TMEM248: variants seen among roughly 807,000 people sequenced by gnomAD.
TMEM248 encodes the protein UPF0458 protein C7orf42.
In TMEM248, 9 loss-of-function variants were observed where a neutral mutation model predicts 30.3. The ratio of observed to expected loss-of-function variants is 0.30; its 90% CI spans 0.18 to 0.52. TMEM248 has a LOEUF of 0.52. Among genes scored for constraint, TMEM248 ranks in the 20% least tolerant of loss-of-function variants. The pLI is 0.97. For synonymous variants in TMEM248, 184 were observed against 154.4 expected, an observed-to-expected ratio of 1.19 and a Z score of -1.42; for missense variants, 338 against 403.3, an observed-to-expected ratio of 0.84 and a Z score of 1.39.
At chr7:66,949,965 A>C (rs1319851696) in intron 4 of TMEM248, among the ~76,000 whole-genome samples, 4 of 152,184 alleles carry the variant, frequency 2.6e-5, no homozygotes, top group African/African-American at 9.7e-5. Context: ...TATTTTAGAC[A>C]TTTGGAGGTT....
Position 66,947,381 on chromosome 7 carries a change from A to G in TMEM248, c.446-1163A>G, listed in dbSNP as rs537236154. On this transcript the variant is annotated intron_variant, in intron 3 of 6. Transcript: ENST00000341567. ...AGCAAGTGGACCTGTTGCTTATGGC[A>G]TGGCATAAGGACACCTTCGGGATTT... is the stretch of plus-strand genomic sequence containing the variant. 1.2e-3 allele frequency among the ~76,000 whole-genome samples: 179 copies of G among 152,180 alleles called. 1 individual carries two copies. The highest frequency in any genetic ancestry group is 1.9e-3 in the Non-Finnish European group (129 of 68,012).
intron 1 of TMEM248, among the ~76,000 whole-genome samples, chr7:66,937,037 T>A (rs548221942): frequency 5.6e-4 from 86 of 152,294 alleles, no homozygotes; most frequent in African/African-American, 2.0e-3. Context: ...TCTACTTTTT[T>A]ATGTAGGTGC....
intron 1 of TMEM248, among the ~76,000 whole-genome samples, chr7:66,934,098 A>AT (rs1269009782): frequency 1.2e-4 from 18 of 151,544 alleles, no homozygotes; most frequent in African/African-American, 3.6e-4. Flanking sequence ...TTAATTTCCT[A>AT]TTTGAAAACG....
At chr7:66,955,435 T>C (rs1792376238) in intron 6 of TMEM248, 67 bp from the exon 7 acceptor site, 1 of 1,595,896 alleles carries the variant, frequency 6.3e-7, no homozygotes, top group Admixed American at 1.7e-5. Context: ...ATCCTGGTCT[T>C]TGGGTAGGGG....
intron 2 of TMEM248, among the ~76,000 whole-genome samples, chr7:66,943,835 AG>A (rs1023258510): frequency 2.0e-5 from 3 of 150,788 alleles, no homozygotes; most frequent in African/African-American, 7.3e-5. Flanking sequence ...TCTGACACCC[AG>A]GCTGAGGCTG....
chr7:66,952,499 C>T (rs1359883695), intron 5 of TMEM248, among the ~76,000 whole-genome samples: 1 of 152,100 alleles, frequency 6.6e-6, no homozygotes, highest in African/African-American at 2.4e-5. Context: ...GTGTTTGGGG[C>T]GTGGGTGTTG....
At chr7:66,934,338 T>C (rs1015021067) in intron 1 of TMEM248, among the ~76,000 whole-genome samples, 2 of 152,136 alleles carry the variant, frequency 1.3e-5, no homozygotes, top group African/African-American at 2.4e-5. Context: ...GTAGCTGGGA[T>C]TACAGGCACA....
At position 66,935,152 on chromosome 7, in the gene TMEM248, TTAACC is replaced by T. The variant is rs1271166479; in HGVS notation, c.-18-6691_-18-6687del. Among the ~76,000 whole-genome samples the T allele has an allele frequency of 1.1e-4, 17 of 152,312 alleles. No individual in the cohort carries two copies. The South Asian group carries it at 1.7e-3, about 15-fold the overall frequency. ...TTTTTATTTATGAATCATATTAATCTTAACCTAACTAGTGTTGTTTCCAGATTATT... is the reference window on the plus strand; with the variant it reads ...TTTTTATTTATGAATCATATTAATCTTAACTAGTGTTGTTTCCAGATTATT... On this transcript the variant is annotated intron_variant, in intron 1 of 6. Transcript: ENST00000341567.
At chr7:66,940,887 G>A (rs920691492) in intron 1 of TMEM248, among the ~76,000 whole-genome samples, 2 of 152,182 alleles carry the variant, frequency 1.3e-5, no homozygotes, top group Non-Finnish European at 2.9e-5. Flanking sequence ...GTGTATTTGT[G>A]TCACATTACT....
intron 6 of TMEM248, among the ~76,000 whole-genome samples, chr7:66,955,113 A>G (rs1283381406): frequency 6.6e-6 from 1 of 152,180 alleles, no homozygotes; most frequent in African/African-American, 2.4e-5. Context: ...CAGTTAAAAA[A>G]TTAGCCAGAT....
At chr7:66,936,151 G>C (rs1407351391) in intron 1 of TMEM248, among the ~76,000 whole-genome samples, 3 of 152,128 alleles carry the variant, frequency 2.0e-5, no homozygotes, top group African/African-American at 7.2e-5. Context: ...TAGAGGAAAT[G>C]CTTTCAGTTT....
chr7:66,954,247 A>G (rs73379768), intron 6 of TMEM248, among the ~76,000 whole-genome samples: 286 of 152,244 alleles, frequency 1.9e-3, no homozygotes, highest in African/African-American at 6.6e-3. Flanking sequence ...CCCAGCTTCT[A>G]GGTTACTTAT....
chr7:66,938,021 C>T (rs964286915), intron 1 of TMEM248, among the ~76,000 whole-genome samples: 18 of 152,194 alleles, frequency 1.2e-4, no homozygotes, highest in African/African-American at 3.4e-4. Flanking sequence ...CCACTGCGCC[C>T]GGTTATTTCT....
intron 4 of TMEM248, among the ~76,000 whole-genome samples, chr7:66,950,069 A>T (rs1792220663): frequency 6.6e-6 from 1 of 152,060 alleles, no homozygotes; most frequent in Non-Finnish European, 1.5e-5. Context: ...TAACTAAGTG[A>T]TATGCTTTGG....
At chr7:66,922,555 A>G (rs911946549) in intron 1 of TMEM248, among the ~76,000 whole-genome samples, 1 of 152,062 alleles carries the variant, frequency 6.6e-6, no homozygotes, top group Non-Finnish European at 1.5e-5. Flanking sequence ...TGTAGTGAAG[A>G]TTCTGGGAGA....
At chr7:66,927,296 T>A (rs1354582461) in intron 1 of TMEM248, among the ~76,000 whole-genome samples, 1 of 152,024 alleles carries the variant, frequency 6.6e-6, no homozygotes, top group Admixed American at 6.6e-5. Flanking sequence ...GAAGTCTGAG[T>A]TTTAGAAGTA....
chr7:66,926,988 G>A (rs1791543298), intron 1 of TMEM248, among the ~76,000 whole-genome samples: 1 of 152,108 alleles, frequency 6.6e-6, no homozygotes, highest in Admixed American at 6.6e-5. Context: ...GTTACAGAAA[G>A]GTTTCATACT....
intron 3 of TMEM248, among the ~76,000 whole-genome samples, chr7:66,946,812 G>GAAGGGCTAGA (rs1340259992): frequency 6.6e-6 from 1 of 152,232 alleles, no homozygotes; most frequent in Non-Finnish European, 1.5e-5. Flanking sequence ...TGTTGCAGGA[G>GAAGGGCTAGA]AAGGGCTAGA....
Position 66,951,109 on chromosome 7 carries a change from C to T in TMEM248, c.754C>T (p.Pro252Ser), listed in dbSNP as rs777113697. Residue 252 changes from proline to serine, a missense_variant, in exon 5 of 7, where the codon CCC becomes TCC. By Grantham distance (74) the Pro-to-Ser change is moderately conservative (BLOSUM62 -1). Coordinates refer to ENST00000341567, the MANE Select transcript of TMEM248 (RefSeq NM_017994.5). Reference protein sequence around the residue: ...AIGKVYHALNPKLTVIVPDDD... With the variant: ...AIGKVYHALNSKLTVIVPDDD... ...TGGAAAAGTCTATCATGCTTTAAAT[C>T]CCAAGCTTACAGTGATTGTTCCAGA... 6.3e-7 allele frequency: 1 copy of T among 1,598,608 alleles called. No individual in the cohort carries two copies. The highest frequency in any genetic ancestry group is 1.1e-5 in the South Asian group (1 of 88,372).
Sources: gnomAD v4.1 joint callset for allele counts (sites outside exome capture counted in the v4.1 genomes callset) on GRCh38, gnomAD v4.1.1 for gene constraint, MANE v1.5 for transcripts, NCBI Gene and HGNC (gene_info 2026-07-23, HGNC 2026-07-21) for gene names.